PTPRD: variants seen among roughly 807,000 people sequenced by gnomAD.
The protein encoded by PTPRD is protein tyrosine phosphatase receptor type D.
Under a neutral mutation model 214.5 loss-of-function variants are expected in PTPRD, and 34 were observed. The ratio of observed to expected loss-of-function variants is 0.16; its 90% CI spans 0.12 to 0.21. PTPRD has a LOEUF of 0.21. Ranked by LOEUF, PTPRD falls within the 10% of genes least tolerant of loss-of-function variation. The pLI is 1.00. For synonymous variants in PTPRD, 1,128 were observed against 845.7 expected (o/e 1.33, Z -5.79); for missense variants, 2,545 against 2,398.7 (o/e 1.06, Z -1.27).
chr9:8,772,475 C>G (rs541945233), intron 11 of PTPRD, among the ~76,000 whole-genome samples: 2 of 151,840 alleles, frequency 1.3e-5, no homozygotes, highest in South Asian at 4.2e-4. Flanking sequence ...ATAGTGAGAC[C>G]CCATCTCTAC....
At chr9:9,044,050 C>T (rs1241975203) in intron 10 of PTPRD, among the ~76,000 whole-genome samples, 1 of 152,092 alleles carries the variant, frequency 6.6e-6, no homozygotes, top group African/African-American at 2.4e-5. Flanking sequence ...TAATGTTACT[C>T]TTAGGAAGTC....
chr9:9,168,875 T>C (rs1325728197), intron 10 of PTPRD, among the ~76,000 whole-genome samples: 1 of 151,844 alleles, frequency 6.6e-6, no homozygotes, highest in African/African-American at 2.4e-5. Context: ...TTAGATTTTT[T>C]TAAAAAATAT....
intron 14 of PTPRD, among the ~76,000 whole-genome samples, chr9:8,542,969 A>G (rs563418511): frequency 6.6e-6 from 1 of 152,324 alleles, no homozygotes; most frequent in South Asian, 2.1e-4. Flanking sequence ...CTAGCCAGAA[A>G]AGGAATTCAC....
At chr9:8,782,013 T>C (rs548967975) in intron 11 of PTPRD, among the ~76,000 whole-genome samples, 3 of 152,154 alleles carry the variant, frequency 2.0e-5, no homozygotes, top group East Asian at 1.9e-4. Context: ...ACTGTATATA[T>C]ATTATGCATA....
chr9:8,687,698 A>C (rs1250038188), intron 12 of PTPRD, among the ~76,000 whole-genome samples: 1 of 152,164 alleles, frequency 6.6e-6, no homozygotes, highest in Non-Finnish European at 1.5e-5. Context: ...CAAATATTAA[A>C]TTCTGAAGTA....
In PTPRD at chr9:9,630,603, G is replaced by A. The variant is rs572035122; in HGVS notation, c.-286-55822C>T. On this transcript the variant is annotated intron_variant, in intron 7 of 45. Coordinates refer to ENST00000381196, the MANE Select transcript of PTPRD (RefSeq NM_002839.4). ...ACAATTTATGAAATTTGAGTAAAATGCCATTTAAAAGAGCTGATGAAAAAG... is the reference window on the plus strand; with the variant it reads ...ACAATTTATGAAATTTGAGTAAAATACCATTTAAAAGAGCTGATGAAAAAG... Among the ~76,000 whole-genome samples, 14 of 152,274 alleles carry A rather than the reference G, an allele frequency of 9.2e-5. No homozygotes were observed. In the East Asian group the frequency reaches 2.3e-3, roughly 25 times the overall value.
intron 35 of PTPRD, among the ~76,000 whole-genome samples, chr9:8,421,620 G>A (rs1255763590): frequency 6.6e-6 from 1 of 151,906 alleles, no homozygotes; most frequent in Admixed American, 6.6e-5. Context: ...CCCTAATCTT[G>A]GCCTTGTACT....
At chr9:9,828,317 T>C (rs1026005073) in intron 5 of PTPRD, among the ~76,000 whole-genome samples, 2 of 152,130 alleles carry the variant, frequency 1.3e-5, no homozygotes, top group African/African-American at 4.8e-5. Flanking sequence ...TGGAATACTA[T>C]GCAGCCATAA....
chr9:8,771,481 G>T (rs972944560), intron 11 of PTPRD, among the ~76,000 whole-genome samples: 3 of 152,132 alleles, frequency 2.0e-5, no homozygotes, highest in Non-Finnish European at 2.9e-5. Context: ...AAAAACAGGT[G>T]ACAAGTCTAA....
chr9:9,216,853 TA>T (rs1308091823), intron 9 of PTPRD, among the ~76,000 whole-genome samples: 2 of 152,148 alleles, frequency 1.3e-5, no homozygotes, highest in Non-Finnish European at 2.9e-5. Context: ...TAAATAACCT[TA>T]AAATAATTTA....
chr9:8,419,310 T>G (rs1314942263), intron 35 of PTPRD, among the ~76,000 whole-genome samples: 1 of 151,936 alleles, frequency 6.6e-6, no homozygotes, highest in African/African-American at 2.4e-5. Flanking sequence ...AATTTTATTC[T>G]GAAAAAGACA....
intron 3 of PTPRD, among the ~76,000 whole-genome samples, chr9:10,242,073 A>T (rs977188562): frequency 6.6e-6 from 1 of 151,980 alleles, no homozygotes; most frequent in African/African-American, 2.4e-5. Context: ...TGAATTAAAG[A>T]CTATATGACC....
chr9:9,781,452 T>C (rs570065656), intron 5 of PTPRD, among the ~76,000 whole-genome samples: 1 of 152,268 alleles, frequency 6.6e-6, no homozygotes, highest in African/African-American at 2.4e-5. Flanking sequence ...AACGGTGACA[T>C]TGGAAGAAGG....
At position 8,317,187 on chromosome 9, in the gene PTPRD, T is replaced by C. The variant is rs1587193586; in HGVS notation, c.*687A>G. ...GCAAATTTTCAAATGATTTGATATT[T>C]CTACAGCAAGATATTACAGATAACA... is the stretch of plus-strand genomic sequence containing the variant. On this transcript the variant is annotated 3_prime_UTR_variant, in exon 46 of 46. Transcript: ENST00000381196. 6.0e-5 allele frequency: 14 copies of C among 232,094 alleles called. No homozygotes were observed. In the East Asian group the frequency reaches 8.6e-4, roughly 14 times the overall value. 14.4% of individuals were successfully genotyped at this position (232,094 alleles called of 1,614,324 possible).
intron 6 of PTPRD, among the ~76,000 whole-genome samples, chr9:9,742,595 C>T (rs1433983157): frequency 1.3e-5 from 2 of 151,972 alleles, no homozygotes; most frequent in African/African-American, 4.8e-5. Context: ...TATGCTAAAA[C>T]TTTGAGGTCA....
chr9:9,495,775 G>C (rs887272577), intron 8 of PTPRD, among the ~76,000 whole-genome samples: 1 of 152,156 alleles, frequency 6.6e-6, no homozygotes, highest in Non-Finnish European at 1.5e-5. Context: ...TTGAGTGCAG[G>C]TACCCAAAAC....
intron 10 of PTPRD, among the ~76,000 whole-genome samples, chr9:9,145,380 G>A (rs186130806): frequency 0.022 from 3,371 of 151,882 alleles, 63 homozygotes; most frequent in Non-Finnish European, 0.031. Context: ...CTCCTTAGGG[G>A]AAAAAAAGAA....
intron 3 of PTPRD, among the ~76,000 whole-genome samples, chr9:10,139,586 A>C (rs2154265691): frequency 6.6e-6 from 1 of 152,190 alleles, no homozygotes; most frequent in Admixed American, 6.6e-5. Context: ...ATTCTTAAGC[A>C]AACAAACAAA....
At chr9:10,217,136 C>G (rs1475221768) in intron 3 of PTPRD, among the ~76,000 whole-genome samples, 1 of 151,866 alleles carries the variant, frequency 6.6e-6, no homozygotes, top group African/African-American at 2.4e-5. Context: ...TAGCTTCCCA[C>G]TAGATTTTAC....
Sources: allele counts gnomAD v4.1 joint callset (sites outside exome capture counted in the v4.1 genomes callset), GRCh38; gene constraint gnomAD v4.1.1; transcripts MANE v1.5; gene names NCBI Gene and HGNC (gene_info 2026-07-23, HGNC 2026-07-21).